Variants in ABCC5 observed in about 807,000 individuals in gnomAD.
ABCC5 encodes ATP-binding cassette sub-family C member 5.
A neutral mutation model predicts 160.9 loss-of-function variants in ABCC5; 61 were observed. The observed-to-expected ratio is 0.38, with a 90% CI of 0.31 to 0.47. The LOEUF is 0.47. ABCC5 is among the 20% of genes least tolerant of loss of function. The probability of loss-of-function intolerance (pLI) is 0.99; values close to 1 mark genes in which losing one functional copy is unlikely to be tolerated. For missense variants in ABCC5, 1,308 were observed against 1,813.3 expected, an observed-to-expected ratio of 0.72 and a Z score of 5.06; for synonymous variants, 666 against 700.6, an observed-to-expected ratio of 0.95 and a Z score of 0.78.
chr3:183,979,657 C>T (rs533748413), intron 8 of ABCC5, among the ~76,000 whole-genome samples: 6 of 151,250 alleles, frequency 4.0e-5, no homozygotes, highest in Middle Eastern at 3.3e-3. Context: ...CACGGCTCAC[C>T]GCAGCCTCAA....
intron 2 of ABCC5, among the ~76,000 whole-genome samples, chr3:184,004,202 C>T (rs577478060): frequency 1.5e-4 from 21 of 137,052 alleles, no homozygotes; most frequent in African/African-American, 5.3e-4. Context: ...ACAAGATTTT[C>T]AGGCTTTAGC....
intron 17 of ABCC5, 130 bp from the exon 18 acceptor site, chr3:183,953,400 CAGA>C (rs1004626483): frequency 4.1e-6 from 3 of 732,060 alleles, no homozygotes; most frequent in Middle Eastern, 6.1e-4. Flanking sequence ...TCCTCTTTGT[CAGA>C]AGCATTCATT....
At chr3:183,938,091 G>C in intron 25 of ABCC5, 31 bp from the exon 26 acceptor site, 3 of 1,608,512 alleles carry the variant, frequency 1.9e-6, no homozygotes, top group Non-Finnish European at 2.5e-6. Context: ...CAAGAGAGGA[G>C]CTGTTAGCAA....
At chr3:183,999,281 T>C (rs1029828577) in intron 2 of ABCC5, among the ~76,000 whole-genome samples, 23 of 152,098 alleles carry the variant, frequency 1.5e-4, no homozygotes, top group African/African-American at 4.8e-4. Flanking sequence ...GTATGTCTAT[T>C]TGAAGGTAAA....
chr3:183,925,521 C>A, intron 29 of ABCC5, 34 bp downstream of exon 29: 1 of 1,607,764 alleles, frequency 6.2e-7, no homozygotes, highest in African/African-American at 1.3e-5. Context: ...TCCTCCCAGA[C>A]ATGCCAAGCC....
chr3:183,946,172 C>CA (rs777373401), intron 23 of ABCC5, among the ~76,000 whole-genome samples: 3 of 152,200 alleles, frequency 2.0e-5, no homozygotes, highest in Non-Finnish European at 4.4e-5. Context: ...TCCTTGTACC[C>CA]AAAGCCTTTC....
In ABCC5 at chr3:183,945,928, C is replaced by A; in HGVS notation, c.3426G>T (p.Leu1142=). ...ATGCCAGTCTGACCGTAAACTGGAA[C>A]AGCCCCGTTAACTGATAATGGAAAA... ...AISYAVQLTG[L]FQFTVRLASE... Residue 1142 remains leucine (L), a synonymous_variant, in exon 24 of 30, where the codon CTG becomes CTT. Transcript: ENST00000334444. The A allele has an allele frequency of 6.2e-7, 1 of 1,614,008 alleles. No individual in the cohort carries two copies. The highest frequency in any genetic ancestry group is 2.2e-5 in the East Asian group (1 of 44,876).
In ABCC5 at chr3:183,982,793, T is replaced by C; in HGVS notation, c.806A>G (p.Lys269Arg). 6.2e-7 allele frequency: 1 copy of C among 1,614,186 alleles called. No individual in the cohort carries two copies. Among genetic ancestry groups the C allele is most frequent in the Non-Finnish European group, 8.5e-7 (1 of 1,180,040 alleles). Residue 269 changes from lysine to arginine, a missense_variant, in exon 6 of 30, where the codon AAA (lysine) becomes AGA (arginine). By Grantham distance (26) the Lys-to-Arg change is conservative. This residue lies in a region of ABCC5 where 1,142 missense variants were observed against 1,527.1 expected (regional missense o/e 0.75). Transcript: ENST00000334444. This position sits in a 1 kb window ranked among gnomAD's most constrained non-coding sequence, Gnocchi z 5.2. ...FKKILKLKNI[K>R]EKSLGELINI... ...ACTCACCTCACCCAGGGATTTCTCT[T>C]TAATGTTCTTTAACTTAAGGATCTT...
intron 3 of ABCC5, 69 bp downstream of exon 3, chr3:183,989,157 C>CA (rs34892836): frequency 0.017 from 9,798 of 565,890 alleles, 3 homozygotes; most frequent in South Asian, 0.032. Context: ...GACTCCATCT[C>CA]AAAAAAAAAA....
At chr3:183,981,897 G>A (rs542080893) in intron 7 of ABCC5, 23 bp from the exon 8 acceptor site, 8 of 1,579,658 alleles carry the variant, frequency 5.1e-6, no homozygotes, top group African/African-American at 1.4e-5. Context: ...GCGATGCCAC[G>A]CCAAATTAAA....
Position 183,988,510 on chromosome 3 carries a change from C to A in ABCC5, c.443+62G>T. 1 of 1,555,848 alleles carries A rather than the reference C, an allele frequency of 6.4e-7. No individual in the cohort carries two copies. ...AAGACACAGAGCTGTGGACTTCACA[C>A]TCCTAGCTCAGGCCCTGCCCACCCG... On this transcript the variant is annotated intron_variant, in intron 4 of 29. Coordinates refer to ENST00000334444, the MANE Select transcript of ABCC5 (RefSeq NM_005688.4). This position sits in a 1 kb window ranked among gnomAD's most constrained non-coding sequence, Gnocchi z 4.4.
intron 5 of ABCC5, chr3:183,983,763 T>C: frequency 1.0e-6 from 1 of 985,590 alleles, no homozygotes; most frequent in Non-Finnish European, 1.2e-6. Context: ...TGGGAAGGAA[T>C]GTACTTTTAT....
intron 2 of ABCC5, among the ~76,000 whole-genome samples, chr3:184,010,299 A>G (rs939505290): frequency 2.0e-5 from 3 of 151,682 alleles, no homozygotes; most frequent in Admixed American, 1.3e-4. Flanking sequence ...AGTTTAGGAA[A>G]CATGAAAGAA....
chr3:184,005,053 C>T (rs1721069168), intron 2 of ABCC5, among the ~76,000 whole-genome samples: 1 of 152,148 alleles, frequency 6.6e-6, no homozygotes, highest in Admixed American at 6.6e-5. Context: ...CACACTGGGC[C>T]AGAGACAGGC....
chr3:183,990,934 C>A (rs1252869335), intron 2 of ABCC5, among the ~76,000 whole-genome samples: 2 of 152,146 alleles, frequency 1.3e-5, no homozygotes, highest in Admixed American at 6.5e-5. Context: ...TCCTCAATTT[C>A]CTTATCTTCC....
Position 184,007,756 on chromosome 3 carries a change from G to A in ABCC5, c.129+6508C>T, listed in dbSNP as rs144293277. ...AGAGGAGAATCGCTTGAACTTGGGA[G>A]GCGGAGGTTGCAGTGAGCCAAGATC... On this transcript the variant is annotated intron_variant, in intron 2 of 29. Transcript: ENST00000334444. Among the ~76,000 whole-genome samples, 920 of 152,300 alleles carry A rather than the reference G, an allele frequency of 6.0e-3. 10 individuals carry two copies. Among genetic ancestry groups the A allele is most frequent in the African/African-American group, 0.021 (883 of 41,556 alleles).
rs980473777 is a variant in ABCC5 at position 183,987,660 on chromosome 3, G to A, written c.591+110C>T. 1.5e-5 allele frequency: 23 copies of A among 1,488,582 alleles called. No individual in the cohort carries two copies. The highest frequency in any genetic ancestry group is 2.1e-5 in the Non-Finnish European group (23 of 1,086,578). 92.2% of individuals were successfully genotyped at this position (1,488,582 alleles called of 1,614,324 possible). Reference sequence around the variant, plus strand: ...TCAACAGACCTGAAGGCATCTCTAAGACTGCTACCTAGCCCAAAGCTGAGC... The same window carrying A: ...TCAACAGACCTGAAGGCATCTCTAAAACTGCTACCTAGCCCAAAGCTGAGC... On this transcript the variant is annotated intron_variant, in intron 5 of 29. Coordinates refer to ENST00000334444, the MANE Select transcript of ABCC5 (RefSeq NM_005688.4). This position sits in a 1 kb window ranked among gnomAD's most constrained non-coding sequence, Gnocchi z 4.2.
intron 25 of ABCC5, among the ~76,000 whole-genome samples, chr3:183,942,100 C>T (rs1251553389): frequency 2.0e-5 from 3 of 151,702 alleles, no homozygotes; most frequent in African/African-American, 4.8e-5. Context: ...AGTGTAGTGG[C>T]GTGATCTTGG....
intron 25 of ABCC5, among the ~76,000 whole-genome samples, chr3:183,942,002 C>T (rs1347165025): frequency 2.0e-5 from 3 of 151,830 alleles, no homozygotes. Context: ...TTACTCAAGT[C>T]CTGACCCTAG....
Sources: allele counts gnomAD v4.1 joint callset (sites outside exome capture counted in the v4.1 genomes callset), GRCh38; gene constraint gnomAD v4.1.1; regional missense constraint gnomAD v4.1.1; non-coding constraint Gnocchi (gnomAD v3.1); transcripts MANE v1.5; gene names NCBI Gene and HGNC (gene_info 2026-07-23, HGNC 2026-07-21).